The following ENAH variants were observed in gnomAD, a reference collection of about 807,000 sequenced individuals.
ENAH encodes ENAH actin regulator.
Under a neutral mutation model 78.7 loss-of-function variants are expected in ENAH, and 23 were observed. The ratio of observed to expected loss-of-function variants is 0.29; its 90% CI spans 0.21 to 0.41. The LOEUF (loss-of-function observed/expected upper bound fraction) is 0.41. Ranked by LOEUF, ENAH falls within the 10% of genes least tolerant of loss-of-function variation. The pLI is 1.00. For synonymous variants in ENAH, 226 were observed against 241.0 expected, an observed-to-expected ratio of 0.94 and a Z score of 0.58; for missense variants, 544 against 691.0, an observed-to-expected ratio of 0.79 and a Z score of 2.39.
chr1:225,548,731 AG>A (rs1316733334), intron 3 of ENAH, among the ~76,000 whole-genome samples: 1 of 152,236 alleles, frequency 6.6e-6, no homozygotes, highest in Non-Finnish European at 1.5e-5. Flanking sequence ...GATTCACAAA[AG>A]GGAGGACTGT....
At chr1:225,586,885 G>A (rs944018422) in intron 1 of ENAH, among the ~76,000 whole-genome samples, 5 of 149,870 alleles carry the variant, frequency 3.3e-5, no homozygotes, top group South Asian at 2.1e-4. Context: ...GTAGCCAGGC[G>A]TGGTGGCACG....
At chr1:225,539,939 C>G (rs1367623287) in intron 3 of ENAH, among the ~76,000 whole-genome samples, 1 of 152,208 alleles carries the variant, frequency 6.6e-6, no homozygotes, top group Non-Finnish European at 1.5e-5. Context: ...CTTGGAATCT[C>G]ACTTCCTACT....
Position 225,514,693 on chromosome 1 carries a change from G to A in ENAH, c.1121C>T (p.Ala374Val), listed in dbSNP as rs1458951310. ...CATGGATGCCAAAAAGAATCCAGAT[G>A]CAGGGAGGGGTGGGGCAGGAGGTGG... ...PPPPPAPPLP[A>V]SGFFLASMSE... The change falls in exon 7 of 14, where the codon GCA becomes GTA. Residue 374 changes from alanine (A) to valine (V), a missense_variant. Ala to Val is a moderately conservative substitution (Grantham distance 64). Coordinates refer to ENST00000366843, the MANE Select transcript of ENAH (RefSeq NM_018212.6). 1 of 1,606,178 alleles carries A rather than the reference G, an allele frequency of 6.2e-7. No individual in the cohort carries two copies. The highest frequency in any genetic ancestry group is 1.4e-5 in the African/African-American group (1 of 74,028).
chr1:225,558,241 G>A (rs557380667), intron 2 of ENAH, among the ~76,000 whole-genome samples: 6 of 152,230 alleles, frequency 3.9e-5, no homozygotes, highest in African/African-American at 1.2e-4. Flanking sequence ...GCACTGTAGA[G>A]TTGACAAAAA....
intron 1 of ENAH, among the ~76,000 whole-genome samples, chr1:225,627,207 C>T (rs531364326): frequency 6.6e-6 from 1 of 152,122 alleles, no homozygotes; most frequent in East Asian, 1.9e-4. Context: ...TACTGAAACA[C>T]CTAAGTATAA....
At chr1:225,606,402 T>C (rs1196186024) in intron 1 of ENAH, among the ~76,000 whole-genome samples, 2 of 147,464 alleles carry the variant, frequency 1.4e-5, no homozygotes, top group Non-Finnish European at 3.0e-5. Flanking sequence ...GAGGTTGCAG[T>C]GAGCTGAGAA....
intron 1 of ENAH, among the ~76,000 whole-genome samples, chr1:225,613,636 A>T (rs2097004920): frequency 6.6e-6 from 1 of 152,142 alleles, no homozygotes; most frequent in Non-Finnish European, 1.5e-5. Context: ...AGAACAAAGC[A>T]AAGGTCTGGT....
intron 11 of ENAH, chr1:225,501,363 C>CG (rs2096281411): frequency 3.4e-6 from 1 of 290,292 alleles, no homozygotes; most frequent in Non-Finnish European, 6.3e-6. Context: ...AACCAGGTAA[C>CG]GTGGCACGTT....
intron 3 of ENAH, chr1:225,535,542 G>A (rs752546787): frequency 3.1e-6 from 4 of 1,303,970 alleles, no homozygotes; most frequent in South Asian, 1.2e-5. Flanking sequence ...GCTGTCCTGG[G>A]TAGCAGTAAC....
At chr1:225,538,552 TC>T (rs752956044) in intron 3 of ENAH, among the ~76,000 whole-genome samples, 2 of 149,764 alleles carry the variant, frequency 1.3e-5, no homozygotes, top group African/African-American at 2.5e-5. Context: ...ATAAACATCT[TC>T]CCCCCCGCCT....
intron 1 of ENAH, among the ~76,000 whole-genome samples, chr1:225,615,378 G>A (rs895409196): frequency 4.4e-4 from 67 of 152,266 alleles, no homozygotes; most frequent in Admixed American, 8.5e-4. Flanking sequence ...GCAGTGGCGT[G>A]ATCTCGGCTC....
At chr1:225,577,721 G>A (rs1474176410) in intron 1 of ENAH, among the ~76,000 whole-genome samples, 1 of 152,140 alleles carries the variant, frequency 6.6e-6, no homozygotes, top group African/African-American at 2.4e-5. Flanking sequence ...AAGATGGCAT[G>A]ATTTAAAAGA....
intron 5 of ENAH, 84 bp from the exon 6 acceptor site, chr1:225,517,390 C>G: frequency 6.4e-7 from 1 of 1,551,700 alleles, no homozygotes; most frequent in Middle Eastern, 1.7e-4. Context: ...AGCTTGAGAT[C>G]CACAGTGTGA....
At chr1:225,583,503 T>C (rs185559521) in intron 1 of ENAH, among the ~76,000 whole-genome samples, 44 of 144,160 alleles carry the variant, frequency 3.1e-4, no homozygotes, top group African/African-American at 1.0e-3. Context: ...GACACTCAAA[T>C]AGTCTGTAAG....
chr1:225,652,589 C>T, intron 1 of ENAH, 97 bp downstream of exon 1: 3 of 1,182,116 alleles, frequency 2.5e-6, no homozygotes, highest in Non-Finnish European at 3.2e-6. Context: ...GGGAGACGCG[C>T]CGGGCCGGGA....
intron 11 of ENAH, chr1:225,505,197 T>C: frequency 1.9e-6 from 1 of 538,468 alleles, no homozygotes. Flanking sequence ...TTTTCCCCAA[T>C]AAAAGATATT....
chr1:225,525,886 G>A (rs935902012), intron 4 of ENAH, among the ~76,000 whole-genome samples: 1 of 152,082 alleles, frequency 6.6e-6, no homozygotes, highest in Admixed American at 6.6e-5. Context: ...GGTCTTGGTG[G>A]GAGGTCTTTG....
intron 5 of ENAH, chr1:225,517,655 A>G (rs758015799): frequency 1.7e-5 from 26 of 1,550,818 alleles, no homozygotes; most frequent in Non-Finnish European, 2.2e-5. Context: ...GACCAGGCAC[A>G]GGGCTTCGTA....
chr1:225,533,250 G>C (rs1462547845), intron 3 of ENAH, among the ~76,000 whole-genome samples: 4 of 152,074 alleles, frequency 2.6e-5, no homozygotes, highest in Admixed American at 2.6e-4. Flanking sequence ...AAATTGGTAA[G>C]TAATACCAAA....
Sources: allele counts gnomAD v4.1 joint callset (sites outside exome capture counted in the v4.1 genomes callset), GRCh38; gene constraint gnomAD v4.1.1; transcripts MANE v1.5; gene names NCBI Gene and HGNC (gene_info 2026-07-23, HGNC 2026-07-21).